Variants in DGCR2 observed in about 807,000 individuals in gnomAD.
The protein encoded by DGCR2 is integral membrane protein DGCR2/IDD.
Under a neutral mutation model 51.6 loss-of-function variants are expected in DGCR2, and 24 were observed. That is an observed-to-expected ratio of 0.47 (90% CI 0.34 to 0.65). The LOEUF (loss-of-function observed/expected upper bound fraction) is 0.65, where lower values mean the gene tolerates loss of function less well. DGCR2 is among the 30% of genes least tolerant of loss of function. The pLI is 0.01. For synonymous variants in DGCR2, 340 were observed against 315.4 expected, an observed-to-expected ratio of 1.08 and a Z score of -0.82; for missense variants, 765 against 772.1, an observed-to-expected ratio of 0.99 and a Z score of 0.11.
intron 2 of DGCR2, among the ~76,000 whole-genome samples, chr22:19,070,892 C>T (rs2082807027): frequency 6.6e-6 from 1 of 152,258 alleles, no homozygotes; most frequent in African/African-American, 2.4e-5. Flanking sequence ...AGGGGAAGGG[C>T]TTGGCTGTCA....
At chr22:19,110,967 G>A (rs1223203553) in intron 1 of DGCR2, among the ~76,000 whole-genome samples, 1 of 152,122 alleles carries the variant, frequency 6.6e-6, no homozygotes, top group South Asian at 2.1e-4. Flanking sequence ...AAGCATTTTA[G>A]ATCTATTTTT....
intron 7 of DGCR2, chr22:19,046,726 C>T (rs770352085): frequency 2.3e-6 from 1 of 434,592 alleles, no homozygotes; most frequent in South Asian, 1.6e-5. Flanking sequence ...GGCCACAGGG[C>T]AGGCAGAGCA....
chr22:19,103,851 G>A (rs1288911049), intron 1 of DGCR2, among the ~76,000 whole-genome samples: 1 of 149,730 alleles, frequency 6.7e-6, no homozygotes, highest in Non-Finnish European at 1.5e-5. Context: ...TTCAAGACCA[G>A]CCTGGGCAAC....
At chr22:19,115,427 G>A (rs944315760) in intron 1 of DGCR2, among the ~76,000 whole-genome samples, 8 of 152,136 alleles carry the variant, frequency 5.3e-5, no homozygotes, top group African/African-American at 1.9e-4. Flanking sequence ...TACCAGGGTG[G>A]GGCCCAGGCC....
In DGCR2 at chr22:19,122,238, G is replaced by GTGT; in HGVS notation, c.-33_-32insACA. 6.8e-7 allele frequency: 1 copy of GTGT among 1,478,998 alleles called. No homozygotes were observed. The highest frequency in any genetic ancestry group is 9.0e-7 in the Non-Finnish European group (1 of 1,109,040). 91.6% of individuals were successfully genotyped at this position (1,478,998 alleles called of 1,614,324 possible). A position where few individuals can be genotyped will look rare whatever the true frequency, so the allele number is the denominator to read the frequency against. ...TCCGTTCATCGTCCCCGGGGCGGCT[G>GTGT]GAAGGCCGGACCAGGCCGGACTGAG... On this transcript the variant is annotated 5_prime_UTR_variant, in exon 1 of 10. Coordinates refer to ENST00000263196, the MANE Select transcript of DGCR2 (RefSeq NM_005137.3).
At chr22:19,082,141 G>A (rs894071376) in intron 2 of DGCR2, among the ~76,000 whole-genome samples, 4 of 149,784 alleles carry the variant, frequency 2.7e-5, no homozygotes, top group Non-Finnish European at 4.4e-5. Context: ...TTGACCTCAG[G>A]GACTCAGGTG....
intron 7 of DGCR2, among the ~76,000 whole-genome samples, chr22:19,044,634 C>T (rs1037706032): frequency 2.6e-5 from 4 of 152,226 alleles, no homozygotes; most frequent in African/African-American, 9.6e-5. Context: ...AGCTGCTCTG[C>T]ACCTTGGCCA....
chr22:19,112,419 G>GTAATACCAGCACTTT (rs1555911206), intron 1 of DGCR2, among the ~76,000 whole-genome samples: 5 of 146,516 alleles, frequency 3.4e-5, no homozygotes, highest in African/African-American at 7.5e-5. Context: ...TAATAAACAT[G>GTAATACCAGCACTTT]GTTTCAAATC....
chr22:19,062,774 T>TTTTTTCTCTCTCTCTCTCTCTC (rs1569052709), intron 5 of DGCR2, among the ~76,000 whole-genome samples: 2 of 113,870 alleles, frequency 1.8e-5, no homozygotes, highest in Non-Finnish European at 3.8e-5. Context: ...CACACATGCA[T>TTTTTTCTCTCTCTCTCTCTCTC]GCTCACTCTC....
At chr22:19,088,078 T>C (rs555955091) in intron 2 of DGCR2, among the ~76,000 whole-genome samples, 8 of 152,316 alleles carry the variant, frequency 5.3e-5, no homozygotes, top group African/African-American at 1.9e-4. Flanking sequence ...CAAGTTCAAA[T>C]GTCACCTAAT....
At chr22:19,060,005 A>G (rs185603291) in intron 5 of DGCR2, among the ~76,000 whole-genome samples, 1,955 of 151,914 alleles carry the variant, frequency 0.013, 23 homozygotes, top group Non-Finnish European at 0.02. Flanking sequence ...ATGAGCCTCC[A>G]CTCGGGCCCA....
At chr22:19,115,745 G>C (rs2083366894) in intron 1 of DGCR2, among the ~76,000 whole-genome samples, 1 of 152,130 alleles carries the variant, frequency 6.6e-6, no homozygotes, top group South Asian at 2.1e-4. Context: ...CTGTTTCGGG[G>C]GCTCTCAGCA....
chr22:19,074,891 C>T (rs1479655096), intron 2 of DGCR2, among the ~76,000 whole-genome samples: 2 of 152,164 alleles, frequency 1.3e-5, no homozygotes, highest in South Asian at 2.1e-4. Context: ...TTTCCCGCTA[C>T]AGGGGTTGAT....
chr22:19,068,367 G>A, intron 2 of DGCR2, 142 bp from the exon 3 acceptor site: 2 of 1,008,288 alleles, frequency 2.0e-6, no homozygotes, highest in Non-Finnish European at 1.3e-6. Flanking sequence ...GCTTTCTTTA[G>A]AGCCCTATGA....
intron 7 of DGCR2, among the ~76,000 whole-genome samples, chr22:19,043,669 A>T (rs973163678): frequency 6.6e-6 from 1 of 151,444 alleles, no homozygotes; most frequent in African/African-American, 2.4e-5. Context: ...AGGAATGGCC[A>T]CTCCCACCTC....
intron 1 of DGCR2, chr22:19,121,851 C>T: frequency 4.3e-6 from 1 of 233,140 alleles, no homozygotes; most frequent in Non-Finnish European, 8.2e-6. Flanking sequence ...CGAGAGGGTG[C>T]GCCCGTGGCG....
chr22:19,041,759 C>T (rs762734806), intron 8 of DGCR2, 48 bp downstream of exon 8: 1 of 1,587,678 alleles, frequency 6.3e-7, no homozygotes, highest in Non-Finnish European at 8.6e-7. Context: ...ATGGGGTGAC[C>T]TGGGGTGGGG....
chr22:19,075,563 G>A (rs5993500), intron 2 of DGCR2, among the ~76,000 whole-genome samples: 19,290 of 151,972 alleles, frequency 0.13, 1,960 homozygotes, highest in African/African-American at 0.28. Context: ...AACAAACTCC[G>A]TATCCATTAA....
At chr22:19,066,705 G>C (rs2082753574) in intron 3 of DGCR2, among the ~76,000 whole-genome samples, 1 of 152,234 alleles carries the variant, frequency 6.6e-6, no homozygotes, top group African/African-American at 2.4e-5. Flanking sequence ...ATGGGAGCCA[G>C]CTGGCTGGGG....
Sources: allele counts gnomAD v4.1 joint callset (sites outside exome capture counted in the v4.1 genomes callset), GRCh38; gene constraint gnomAD v4.1.1; transcripts MANE v1.5; gene names NCBI Gene and HGNC (gene_info 2026-07-23, HGNC 2026-07-21).